Variants in SVOP observed in about 807,000 individuals in gnomAD.
SVOP encodes the protein SV2 related protein.
A neutral mutation model predicts 69.1 loss-of-function variants in SVOP; 17 were observed. The ratio of observed to expected loss-of-function variants is 0.25; its 90% CI spans 0.17 to 0.37. The LOEUF (loss-of-function observed/expected upper bound fraction) is 0.37, where lower values mean the gene tolerates loss of function less well. Ranked by LOEUF, SVOP falls within the 10% of genes least tolerant of loss-of-function variation. The pLI, the probability that SVOP is intolerant of heterozygous loss-of-function variation, is 1.00. For missense variants in SVOP, 435 were observed against 597.5 expected (o/e 0.73, Z 2.84); for synonymous variants, 238 against 238.6 (o/e 1.00, Z 0.02).
chr12:108,939,009 C>A (rs750670365), intron 8 of SVOP, 54 bp from the exon 9 acceptor site: 12 of 1,612,058 alleles, frequency 7.4e-6, no homozygotes, highest in Non-Finnish European at 1.0e-5. Flanking sequence ...TGGAACAGAG[C>A]ACTCGCTTCT....
At chr12:108,974,312 G>A (rs371273952) in intron 4 of SVOP, among the ~76,000 whole-genome samples, 2 of 152,140 alleles carry the variant, frequency 1.3e-5, no homozygotes, top group Non-Finnish European at 2.9e-5. Flanking sequence ...CCTTGCTTAT[G>A]ATTAACAATT....
intron 9 of SVOP, among the ~76,000 whole-genome samples, chr12:108,938,220 T>G (rs927217908): frequency 1.3e-5 from 2 of 152,234 alleles, no homozygotes; most frequent in Admixed American, 1.3e-4. Context: ...GCTTAAGGTA[T>G]TTGTCATGTT....
intron 1 of SVOP, among the ~76,000 whole-genome samples, chr12:108,988,648 A>G (rs1427242809): frequency 1.3e-5 from 2 of 152,126 alleles, no homozygotes; most frequent in Admixed American, 6.6e-5. Context: ...GGAAAGTGTG[A>G]GACCTTTAAT....
At chr12:108,934,334 C>G (rs1412127409) in intron 10 of SVOP, 63 bp from the exon 11 acceptor site, 2 of 1,434,930 alleles carry the variant, frequency 1.4e-6, no homozygotes, top group East Asian at 2.5e-5. Context: ...CCTTTCCCTA[C>G]CCCCTTGGGA....
rs559838142 is a variant in SVOP at position 108,918,303 on chromosome 12, T to G, written c.1269-179A>C. ...CAGTATCATCTTGACAGTCCTGCTTTTGTAAGTTAATCATTCCTCAAAGTA... is the reference window on the plus strand; with the variant it reads ...CAGTATCATCTTGACAGTCCTGCTTGTGTAAGTTAATCATTCCTCAAAGTA... On this transcript the variant is annotated intron_variant, in intron 13 of 15. Coordinates refer to ENST00000610966, the MANE Select transcript of SVOP (RefSeq NM_018711.5). 7.3e-4 allele frequency among the ~76,000 whole-genome samples: 111 copies of G among 152,292 alleles called. 1 individual carries two copies. Among genetic ancestry groups the G allele is most frequent in the South Asian group, 3.7e-3 (18 of 4,818 alleles).
At chr12:108,934,758 C>G (rs2039846544) in intron 10 of SVOP, among the ~76,000 whole-genome samples, 1 of 152,192 alleles carries the variant, frequency 6.6e-6, no homozygotes, top group African/African-American at 2.4e-5. Flanking sequence ...CCCACCAGTG[C>G]CGTTACAGTT....
intron 3 of SVOP, among the ~76,000 whole-genome samples, chr12:108,977,724 T>C (rs957975634): frequency 9.9e-5 from 15 of 152,238 alleles, no homozygotes; most frequent in African/African-American, 3.6e-4. Context: ...TGTGTGGTTT[T>C]TTTGTGTGTG....
rs2039680619 is a variant in SVOP, at chr12:108,911,344, A to ATTT, written c.*1190_*1191insAAA. 4.6e-5 allele frequency: 7 copies of ATTT among 152,098 alleles called. No homozygotes were observed. The highest frequency in any genetic ancestry group is 7.2e-5 in the African/African-American group (3 of 41,380). 9.4% of individuals were successfully genotyped at this position (152,098 alleles called of 1,614,324 possible). ...TCTCTGCCCATTCAGCTGTCTACCCATGCACAAAACCCAAAGCCCTGGATT... is the reference window on the plus strand; with the variant it reads ...TCTCTGCCCATTCAGCTGTCTACCCATTTTGCACAAAACCCAAAGCCCTGGATT... On this transcript the variant is annotated 3_prime_UTR_variant, in exon 16 of 16. Coordinates refer to ENST00000610966, the MANE Select transcript of SVOP (RefSeq NM_018711.5).
chr12:108,996,464 A>T (rs1283961546), intron 1 of SVOP, among the ~76,000 whole-genome samples: 1 of 152,058 alleles, frequency 6.6e-6, no homozygotes, highest in Non-Finnish European at 1.5e-5. Flanking sequence ...AGGCTGAGGC[A>T]AGAGAATCGC....
intron 6 of SVOP, among the ~76,000 whole-genome samples, chr12:108,951,906 T>A (rs1246831072): frequency 6.6e-6 from 1 of 152,226 alleles, no homozygotes; most frequent in Admixed American, 6.5e-5. Flanking sequence ...CCTGGGGATC[T>A]GTGTGGCCTT....
intron 13 of SVOP, 59 bp downstream of exon 13, chr12:108,919,604 GCCTGCACCCACA>G (rs1170149271): frequency 1.1e-5 from 14 of 1,249,634 alleles, no homozygotes; most frequent in South Asian, 6.6e-5. Context: ...ATCTACCTGG[GCCTGCACCCACA>G]CCTGCACCCA....
Position 108,972,482 on chromosome 12 carries a change from G to T in SVOP, c.382-6C>A. Reference sequence around the variant, plus strand: ...ATCATGCCTACAAAGACCACCTGTGGGGGGAAAGACAGTTGTCATTAGACA... The same window carrying T: ...ATCATGCCTACAAAGACCACCTGTGTGGGGAAAGACAGTTGTCATTAGACA... On this transcript the variant is annotated splice_region_variant and splice_polypyrimidine_tract_variant and intron_variant, in intron 4 of 15. Coordinates refer to ENST00000610966, the MANE Select transcript of SVOP (RefSeq NM_018711.5). 6.5e-7 allele frequency: 1 copy of T among 1,537,204 alleles called. No homozygotes were observed. Among genetic ancestry groups the T allele is most frequent in the South Asian group, 1.2e-5 (1 of 84,064 alleles).
chr12:108,924,555 A>G (rs975751457), intron 11 of SVOP, among the ~76,000 whole-genome samples: 18 of 152,152 alleles, frequency 1.2e-4, no homozygotes, highest in Non-Finnish European at 2.4e-4. Context: ...GCCACATCTC[A>G]TCACTGCTGA....
intron 1 of SVOP, among the ~76,000 whole-genome samples, chr12:109,016,280 G>C (rs1158789490): frequency 6.6e-6 from 1 of 152,218 alleles, no homozygotes. Flanking sequence ...TTTGAACCCA[G>C]ATCTGCCTGA....
At chr12:108,970,399 G>A (rs147778302) in intron 5 of SVOP, among the ~76,000 whole-genome samples, 105,745 of 151,640 alleles carry the variant, frequency 0.7, 37,304 homozygotes, top group South Asian at 0.79. Flanking sequence ...GTTATTAAGG[G>A]GATTGGATGA....
At chr12:108,962,413 A>T (rs1041796597) in intron 5 of SVOP, among the ~76,000 whole-genome samples, 2 of 152,140 alleles carry the variant, frequency 1.3e-5, no homozygotes, top group Non-Finnish European at 2.9e-5. Context: ...TCTTTTTTAA[A>T]GTACGTGAAT....
At chr12:108,958,389 C>A (rs1012258390) in intron 6 of SVOP, among the ~76,000 whole-genome samples, 1 of 151,056 alleles carries the variant, frequency 6.6e-6, no homozygotes, top group Non-Finnish European at 1.5e-5. Flanking sequence ...CCATTGTGTT[C>A]GAATTGTCTG....
chr12:108,988,770 C>CTTTTTTTTTTTTTTTTTTTTTT lies in SVOP; in HGVS notation c.36-5010_36-5009insAAAAAAAAAAAAAAAAAAAAAA, dbSNP rs758822738. 2.2e-5 allele frequency among the ~76,000 whole-genome samples: 2 copies of CTTTTTTTTTTTTTTTTTTTTTT among 92,182 alleles called. 1 individual carries two copies. The allele number at this position is 92,182 out of a possible 152,430, so 60.5% of individuals were successfully genotyped here. A position where few individuals can be genotyped will look rare whatever the true frequency, so the allele number is the denominator to read the frequency against. Reference sequence around the variant, plus strand: ...TCTTCCTTTCTTACTTCTTTTCTCTCTTTTTTTTTTTTTTTTTTTTGAGAC... The same window carrying CTTTTTTTTTTTTTTTTTTTTTT: ...TCTTCCTTTCTTACTTCTTTTCTCTCTTTTTTTTTTTTTTTTTTTTTTTTTTTTTTTTTTTTTTTTTTGAGAC... On this transcript the variant is annotated intron_variant, in intron 1 of 15. Transcript: ENST00000610966.
chr12:108,918,064 C>A lies in SVOP; in HGVS notation c.1329G>T (p.Ala443=). 6.3e-7 allele frequency: 1 copy of A among 1,582,242 alleles called. No homozygotes were observed. Among genetic ancestry groups the A allele is most frequent in the East Asian group, 2.3e-5 (1 of 43,590 alleles). Residue 443 remains alanine (A), a synonymous_variant, in exon 14 of 16, where the codon GCG becomes GCT. Transcript: ENST00000610966. ...ARAFISGGFQ[A]AYVYTPEVYP... Reference sequence around the variant, plus strand: ...CTACCTCAGGTGTGTAAACATATGCCGCTTGAAAGCCTCCAGAAATAAACG... The same window carrying A: ...CTACCTCAGGTGTGTAAACATATGCAGCTTGAAAGCCTCCAGAAATAAACG...
Sources: allele counts gnomAD v4.1 joint callset (sites outside exome capture counted in the v4.1 genomes callset), GRCh38; gene constraint gnomAD v4.1.1; transcripts MANE v1.5; gene names NCBI Gene and HGNC (gene_info 2026-07-23, HGNC 2026-07-21).